The following PRPF3 variants were observed in gnomAD, a reference collection of about 807,000 sequenced individuals.
The protein encoded by PRPF3 is U4/U6 small nuclear ribonucleoprotein Prp3.
Under a neutral mutation model 89.2 loss-of-function variants are expected in PRPF3, and 3 were observed. That is an observed-to-expected ratio of 0.03 (90% CI 0.02 to 0.09). The LOEUF is 0.09. PRPF3 is among the 10% of genes least tolerant of loss of function. The probability of loss-of-function intolerance (pLI) is 1.00; values close to 1 mark genes in which losing one functional copy is unlikely to be tolerated. For synonymous variants in PRPF3, 270 were observed against 289.1 expected, an observed-to-expected ratio of 0.93 and a Z score of 0.67; for missense variants, 463 against 828.8, an observed-to-expected ratio of 0.56 and a Z score of 5.42.
At chr1:150,336,945 T>G (rs1657070565) in intron 7 of PRPF3, among the ~76,000 whole-genome samples, 1 of 151,950 alleles carries the variant, frequency 6.6e-6, no homozygotes, top group Non-Finnish European at 1.5e-5. Flanking sequence ...AGTTAAAATT[T>G]AATGAGACAG....
At position 150,353,207 on chromosome 1, in the gene PRPF3, A is replaced by G. The variant is rs41300863; in HGVS notation, c.*228A>G. 0.041 allele frequency: 22,917 copies of G among 562,664 alleles called. 630 individuals carry two copies. Among genetic ancestry groups the G allele is most frequent in the Non-Finnish European group, 0.052 (16,181 of 313,282 alleles). 34.9% of individuals were successfully genotyped at this position (562,664 alleles called of 1,614,324 possible). A position where few individuals can be genotyped will look rare whatever the true frequency, so the allele number is the denominator to read the frequency against. On this transcript the variant is annotated 3_prime_UTR_variant, in exon 16 of 16. Transcript: ENST00000324862. ...GAGTTATTTTTAAACTTGGTGTGATATTTTTCACACATTCGTAAGTATTAG... is the reference window on the plus strand; with the variant it reads ...GAGTTATTTTTAAACTTGGTGTGATGTTTTTCACACATTCGTAAGTATTAG...
At chr1:150,349,923 G>A (rs1329093895) in intron 15 of PRPF3, among the ~76,000 whole-genome samples, 1 of 151,278 alleles carries the variant, frequency 6.6e-6, no homozygotes, top group African/African-American at 2.4e-5. Context: ...TTTCGCTCTT[G>A]TTGCTCTTGT....
intron 3 of PRPF3, among the ~76,000 whole-genome samples, chr1:150,326,965 C>T (rs186633127): frequency 6.6e-6 from 1 of 151,600 alleles, no homozygotes; most frequent in Admixed American, 6.6e-5. Context: ...AATTTCAGAC[C>T]TATGTTGAAT....
At chr1:150,323,112 T>A (rs1332055293) in intron 1 of PRPF3, among the ~76,000 whole-genome samples, 2 of 145,092 alleles carry the variant, frequency 1.4e-5, no homozygotes, top group African/African-American at 5.1e-5. Flanking sequence ...TGACGTCAGA[T>A]AATCCACCCG....
At chr1:150,328,262 T>C (rs1655935305) in intron 3 of PRPF3, 58 bp from the exon 4 acceptor site, 3 of 1,600,948 alleles carry the variant, frequency 1.9e-6, no homozygotes, top group Non-Finnish European at 2.6e-6. Flanking sequence ...CTAGGATAAT[T>C]CTTCCCTTCT....
At position 150,325,744 on chromosome 1, in the gene PRPF3, C is replaced by G. The variant is rs782754737; in HGVS notation, c.146-7C>G. The stretch of plus-strand genomic sequence containing the variant: ...TCCAACCCTACCACCGCCTTTCTTC[C>G]TGTCAGATCATCTGAAACCTTTTCT... On this transcript the variant is annotated splice_polypyrimidine_tract_variant and splice_region_variant and intron_variant, in intron 2 of 15. Coordinates refer to ENST00000324862, the MANE Select transcript of PRPF3 (RefSeq NM_004698.4). 1 of 1,611,732 alleles carries G rather than the reference C, an allele frequency of 6.2e-7. No individual in the cohort carries two copies. Among genetic ancestry groups the G allele is most frequent in the South Asian group, 1.1e-5 (1 of 90,896 alleles).
chr1:150,324,384 C>T (rs1012693500), intron 1 of PRPF3, among the ~76,000 whole-genome samples: 1 of 152,152 alleles, frequency 6.6e-6, no homozygotes, highest in Non-Finnish European at 1.5e-5. Flanking sequence ...TTTCATTGAT[C>T]AACTTAAGAG....
At chr1:150,337,147 T>TC (rs1158908227) in intron 7 of PRPF3, among the ~76,000 whole-genome samples, 7 of 149,774 alleles carry the variant, frequency 4.7e-5, no homozygotes, top group African/African-American at 1.7e-4. Flanking sequence ...CATGCCATTC[T>TC]CCTGCCTCAG....
intron 7 of PRPF3, among the ~76,000 whole-genome samples, chr1:150,337,771 A>AG (rs1657202271): frequency 6.6e-6 from 1 of 151,584 alleles, no homozygotes; most frequent in Non-Finnish European, 1.5e-5. Context: ...CTACAAAAAA[A>AG]AAAAAAAATA....
In PRPF3 at chr1:150,350,473, C is replaced by T. The variant is rs1658813521; in HGVS notation, c.1905+1255C>T. ...TTGGCCTCCCAAAGTGCTGGGATTACAGGCATGAGTCACTGCGCCCGGCCA... is the reference window on the plus strand; with the variant it reads ...TTGGCCTCCCAAAGTGCTGGGATTATAGGCATGAGTCACTGCGCCCGGCCA... On this transcript the variant is annotated intron_variant, in intron 15 of 15. Coordinates refer to ENST00000324862, the MANE Select transcript of PRPF3 (RefSeq NM_004698.4). Among the ~76,000 whole-genome samples, 3 of 152,228 alleles carry T rather than the reference C, an allele frequency of 2.0e-5. No homozygotes were observed. In the South Asian group the frequency reaches 6.2e-4, roughly 32 times the overall value.
intron 1 of PRPF3, among the ~76,000 whole-genome samples, chr1:150,323,839 C>T (rs1226742122): frequency 4.2e-5 from 6 of 143,802 alleles, no homozygotes; most frequent in South Asian, 2.2e-4. Flanking sequence ...TGCAGTGGCG[C>T]GATCTTGGCT....
intron 8 of PRPF3, among the ~76,000 whole-genome samples, chr1:150,339,210 TAA>T (rs782456463): frequency 2.3e-4 from 31 of 136,218 alleles, no homozygotes; most frequent in Non-Finnish European, 2.3e-4. Flanking sequence ...CTACAAAGAT[TAA>T]AAAAAAAAAA....
In PRPF3 at chr1:150,353,228, A is replaced by G; in HGVS notation, c.*249A>G. On this transcript the variant is annotated 3_prime_UTR_variant, in exon 16 of 16. Coordinates refer to ENST00000324862, the MANE Select transcript of PRPF3 (RefSeq NM_004698.4). ...TGATATTTTTCACACATTCGTAAGTATTAGAGTTTGGGTCTACAGGTGATC... is the reference window on the plus strand; with the variant it reads ...TGATATTTTTCACACATTCGTAAGTGTTAGAGTTTGGGTCTACAGGTGATC... 2.0e-6 allele frequency: 1 copy of G among 505,626 alleles called. No homozygotes were observed. Among genetic ancestry groups the G allele is most frequent in the Non-Finnish European group, 3.6e-6 (1 of 278,880 alleles). 31.3% of individuals were successfully genotyped at this position (505,626 alleles called of 1,614,324 possible). A position where few individuals can be genotyped will look rare whatever the true frequency, so the allele number is the denominator to read the frequency against.
At chr1:150,323,462 C>T (rs370971148) in intron 1 of PRPF3, among the ~76,000 whole-genome samples, 10 of 151,676 alleles carry the variant, frequency 6.6e-5, no homozygotes, top group African/African-American at 1.9e-4. Context: ...ATGGTGAAAC[C>T]GTGTCTTTAT....
At chr1:150,324,069 G>A (rs587758290) in intron 1 of PRPF3, among the ~76,000 whole-genome samples, 3 of 152,168 alleles carry the variant, frequency 2.0e-5, no homozygotes, top group South Asian at 2.1e-4. Flanking sequence ...GTGAGCCACC[G>A]CGCCCGGCCA....
At chr1:150,321,794 C>G (rs1291150675) in intron 1 of PRPF3, among the ~76,000 whole-genome samples, 3 of 151,858 alleles carry the variant, frequency 2.0e-5, no homozygotes, top group African/African-American at 7.3e-5. Context: ...GGTTGGGAGA[C>G]CAGCTCTGGG....
intron 1 of PRPF3, among the ~76,000 whole-genome samples, chr1:150,321,843 G>A (rs1655078979): frequency 6.6e-6 from 1 of 152,044 alleles, no homozygotes; most frequent in Non-Finnish European, 1.5e-5. Context: ...GTAAGAGACT[G>A]GTTGGAGTGA....
intron 4 of PRPF3, among the ~76,000 whole-genome samples, chr1:150,329,461 A>G (rs1656086146): frequency 6.6e-6 from 1 of 152,214 alleles, no homozygotes; most frequent in Non-Finnish European, 1.5e-5. Flanking sequence ...TTATTTGCCT[A>G]ATTACCTATG....
At chr1:150,349,134 C>T (rs1046084330) in intron 14 of PRPF3, 23 bp from the exon 15 acceptor site, 5 of 1,603,910 alleles carry the variant, frequency 3.1e-6, no homozygotes, top group South Asian at 1.1e-5. Flanking sequence ...AAGTCTAAGT[C>T]TGTAACAAGA....
Sources: allele counts gnomAD v4.1 joint callset (sites outside exome capture counted in the v4.1 genomes callset), GRCh38; gene constraint gnomAD v4.1.1; transcripts MANE v1.5; gene names NCBI Gene and HGNC (gene_info 2026-07-23, HGNC 2026-07-21).